SHISA9: variants seen among roughly 807,000 people sequenced by gnomAD.
SHISA9 encodes shisa family member 9.
A neutral mutation model predicts 38.0 loss-of-function variants in SHISA9; 13 were observed. That is an observed-to-expected ratio of 0.34 (90% CI 0.22 to 0.54). The LOEUF is 0.54. Ranked by LOEUF, SHISA9 falls within the 20% of genes least tolerant of loss-of-function variation. The pLI, the probability that SHISA9 is intolerant of heterozygous loss-of-function variation, is 0.91. For missense variants in SHISA9, 538 were observed against 575.8 expected (o/e 0.93, Z 0.67); for synonymous variants, 275 against 242.0 (o/e 1.14, Z -1.27).
chr16:13,398,119 GTC>G, the SHISA9 span, among the ~76,000 whole-genome samples: 1 of 152,172 alleles, frequency 6.6e-6, no homozygotes. Context: ...AGCCGCTTGT[GTC>G]TCTGCCTACT....
At chr16:13,147,663 A>C (rs2050459570) in intron 2 of SHISA9, among the ~76,000 whole-genome samples, 1 of 152,034 alleles carries the variant, frequency 6.6e-6, no homozygotes, top group African/African-American at 2.4e-5. Context: ...GGGTTTCACC[A>C]CGTTGGCCAG....
At chr16:13,533,337 T>C in the SHISA9 span, among the ~76,000 whole-genome samples, 2 of 152,208 alleles carry the variant, frequency 1.3e-5, no homozygotes, top group Admixed American at 1.3e-4. Flanking sequence ...GCCTGAAGCC[T>C]AGGCAGCTCA....
At chr16:13,178,412 A>G (rs189281267) in intron 2 of SHISA9, among the ~76,000 whole-genome samples, 1 of 151,024 alleles carries the variant, frequency 6.6e-6, no homozygotes, top group East Asian at 2.0e-4. Context: ...TCTCCTGACG[A>G]TGCTTCTGCC....
the SHISA9 span, among the ~76,000 whole-genome samples, chr16:13,482,044 C>T: frequency 6.6e-6 from 1 of 152,184 alleles, no homozygotes; most frequent in South Asian, 2.1e-4. Flanking sequence ...TCCACTGGCC[C>T]TTCCAGATCC....
At chr16:13,535,934 G>T in the SHISA9 span, among the ~76,000 whole-genome samples, 1 of 152,010 alleles carries the variant, frequency 6.6e-6, no homozygotes, top group Non-Finnish European at 1.5e-5. Context: ...CTCAGGCACT[G>T]AGCCTTTGTA....
chr16:13,168,772 A>C (rs2050659975), intron 2 of SHISA9, among the ~76,000 whole-genome samples: 1 of 152,194 alleles, frequency 6.6e-6, no homozygotes, highest in Admixed American at 6.5e-5. Context: ...GAAGTGCATT[A>C]TTCACGTTCC....
intron 2 of SHISA9, among the ~76,000 whole-genome samples, chr16:13,184,124 C>T (rs530982738): frequency 5.7e-4 from 87 of 152,254 alleles, no homozygotes; most frequent in Non-Finnish European, 8.7e-4. Context: ...AACTCTCAGT[C>T]ATAGTAGCTG....
intron 2 of SHISA9, among the ~76,000 whole-genome samples, chr16:12,957,318 G>A (rs922209313): frequency 6.6e-6 from 1 of 152,126 alleles, no homozygotes; most frequent in African/African-American, 2.4e-5. Context: ...CATCAGTTCA[G>A]GCTGCCATAA....
intron 2 of SHISA9, among the ~76,000 whole-genome samples, chr16:12,929,061 G>C (rs2071430452): frequency 6.6e-6 from 1 of 152,176 alleles, no homozygotes; most frequent in Non-Finnish European, 1.5e-5. Context: ...CTGATCATTA[G>C]AGAAATGCAA....
the SHISA9 span, among the ~76,000 whole-genome samples, chr16:13,550,967 CA>C: frequency 6.6e-5 from 10 of 152,094 alleles, no homozygotes; most frequent in South Asian, 2.1e-4. Context: ...ACTAAAAATA[CA>C]AAAAATTAGC....
chr16:13,496,507 G>C, the SHISA9 span, among the ~76,000 whole-genome samples: 1 of 151,722 alleles, frequency 6.6e-6, no homozygotes, highest in African/African-American at 2.4e-5. Context: ...TTATTAATAA[G>C]ATAAGGAAAC....
intron 2 of SHISA9, among the ~76,000 whole-genome samples, chr16:13,028,055 G>T (rs913510404): frequency 6.6e-6 from 1 of 151,922 alleles, no homozygotes; most frequent in South Asian, 2.1e-4. Context: ...TGGGGCTGGG[G>T]TGGGGGTAAT....
At chr16:13,181,687 TGAGA>T (rs2050780808) in intron 2 of SHISA9, among the ~76,000 whole-genome samples, 1 of 151,154 alleles carries the variant, frequency 6.6e-6, no homozygotes. Context: ...TGGAAGTGAG[TGAGA>T]GAAAGAGAGG....
intron 2 of SHISA9, among the ~76,000 whole-genome samples, chr16:13,186,197 G>A (rs2050820229): frequency 6.6e-6 from 1 of 151,438 alleles, no homozygotes. Flanking sequence ...GAGAATAAAG[G>A]ACATGTATGT....
chr16:13,354,790 G>C, the SHISA9 span, among the ~76,000 whole-genome samples: 1 of 152,172 alleles, frequency 6.6e-6, no homozygotes, highest in African/African-American at 2.4e-5. Context: ...GAGTTGTTTT[G>C]TAGAAGGTGC....
At chr16:12,939,186 C>T (rs973147510) in intron 2 of SHISA9, among the ~76,000 whole-genome samples, 8 of 151,970 alleles carry the variant, frequency 5.3e-5, no homozygotes, top group African/African-American at 9.7e-5. Flanking sequence ...CAAGTTCAAG[C>T]GATTCTCCTG....
At chr16:13,460,407 C>CG in the SHISA9 span, among the ~76,000 whole-genome samples, 4 of 152,148 alleles carry the variant, frequency 2.6e-5, no homozygotes, top group Non-Finnish European at 5.9e-5. Context: ...CAAGCCCCCC[C>CG]GATCCATCAT....
intron 2 of SHISA9, among the ~76,000 whole-genome samples, chr16:13,187,862 T>G (rs996191705): frequency 9.9e-5 from 15 of 152,196 alleles, no homozygotes; most frequent in Non-Finnish European, 1.5e-5. Context: ...CATGTGCAGC[T>G]TCAACCTAGA....
the SHISA9 span, among the ~76,000 whole-genome samples, chr16:13,352,468 A>G: frequency 6.6e-6 from 1 of 152,022 alleles, no homozygotes; most frequent in African/African-American, 2.4e-5. Flanking sequence ...TGCCGTAGGG[A>G]GATGGGAGCG....
Sources: allele counts gnomAD v4.1 joint callset (sites outside exome capture counted in the v4.1 genomes callset), GRCh38; gene constraint gnomAD v4.1.1; transcripts MANE v1.5; gene names NCBI Gene and HGNC (gene_info 2026-07-23, HGNC 2026-07-21).